Variants in MTOR observed in about 807,000 individuals in gnomAD.
MTOR encodes serine/threonine-protein kinase mTOR.
Under a neutral mutation model 319.8 loss-of-function variants are expected in MTOR, and 70 were observed. The observed-to-expected ratio is 0.22, with a 90% confidence interval of 0.18 to 0.27. MTOR has a LOEUF of 0.27. Ranked by LOEUF, MTOR falls within the 10% of genes least tolerant of loss-of-function variation. The pLI is 1.00. For missense variants in MTOR, 1,890 were observed against 3,274.4 expected, an observed-to-expected ratio of 0.58 and a Z score of 10.32; for synonymous variants, 1,183 against 1,211.4, an observed-to-expected ratio of 0.98 and a Z score of 0.49.
chr1:11,212,665 T>C lies in MTOR; in HGVS notation c.3398+131A>G. 1 of 1,081,650 alleles carries C rather than the reference T, an allele frequency of 9.2e-7. No homozygotes were observed. Among genetic ancestry groups the C allele is most frequent in the South Asian group, 1.5e-5 (1 of 64,916 alleles). The allele number at this position is 1,081,650 out of a possible 1,614,324, so 67.0% of individuals were successfully genotyped here. On this transcript the variant is annotated intron_variant, in intron 22 of 57. Transcript: ENST00000361445. This position sits in a 1 kb window ranked among gnomAD's most constrained non-coding sequence, Gnocchi z 4.1. ...TTAAGATTTCCATAAACCTGGGATA[T>C]TTCTAGACTAAAATAATGTGAGTTG...
At chr1:11,247,269 G>A (rs1648975644) in intron 8 of MTOR, among the ~76,000 whole-genome samples, 1 of 152,214 alleles carries the variant, frequency 6.6e-6, no homozygotes, top group Admixed American at 6.5e-5. Context: ...AGGGACAGAA[G>A]CAGGACGATC....
intron 9 of MTOR, among the ~76,000 whole-genome samples, chr1:11,241,936 A>G (rs1008325149): frequency 2.0e-5 from 3 of 152,214 alleles, no homozygotes; most frequent in African/African-American, 7.2e-5. Context: ...TCACACAGCT[A>G]TACCATATGG....
intron 6 of MTOR, among the ~76,000 whole-genome samples, chr1:11,252,247 A>G (rs566065082): frequency 2.6e-5 from 4 of 151,828 alleles, no homozygotes; most frequent in East Asian, 3.9e-4. Flanking sequence ...AAAAATTTGT[A>G]TTATCTTTAA....
intron 28 of MTOR, chr1:11,194,641 T>G (rs182647808): frequency 6.2e-7 from 1 of 1,614,116 alleles, no homozygotes; most frequent in East Asian, 2.2e-5. Flanking sequence ...CTTGGACAAG[T>G]GTGCACAGCT....
intron 49 of MTOR, among the ~76,000 whole-genome samples, chr1:11,120,151 A>G (rs1028374484): frequency 6.6e-6 from 1 of 151,964 alleles, no homozygotes; most frequent in Admixed American, 6.6e-5. Flanking sequence ...GGTATGGCTC[A>G]CTGCAGCCTC....
intron 19 of MTOR, among the ~76,000 whole-genome samples, chr1:11,221,510 G>A (rs1646661763): frequency 6.6e-6 from 1 of 151,370 alleles, no homozygotes; most frequent in Admixed American, 6.6e-5. Flanking sequence ...CTCACTAAAA[G>A]AAATCAGAGC....
At chr1:11,172,209 C>T (rs1644837150) in intron 28 of MTOR, among the ~76,000 whole-genome samples, 1 of 152,056 alleles carries the variant, frequency 6.6e-6, no homozygotes, top group African/African-American at 2.4e-5. Flanking sequence ...CTTGGGGGTG[C>T]ACCTTGGGAT....
intron 23 of MTOR, among the ~76,000 whole-genome samples, chr1:11,211,815 T>C (rs561111761): frequency 1.3e-5 from 2 of 152,184 alleles, no homozygotes; most frequent in Non-Finnish European, 2.9e-5. Flanking sequence ...CACTTCCCCA[T>C]TGCTTGCTCC....
At chr1:11,134,300 TG>T in intron 37 of MTOR, 50 bp downstream of exon 37, 1 of 1,542,030 alleles carries the variant, frequency 6.5e-7, no homozygotes, top group Middle Eastern at 2.1e-4. Context: ...CAGAAGCTGC[TG>T]GGATGACAGG....
chr1:11,260,105 T>C (rs894103631), intron 1 of MTOR, among the ~76,000 whole-genome samples: 5 of 152,114 alleles, frequency 3.3e-5, no homozygotes, highest in East Asian at 1.9e-4. Flanking sequence ...GCTATTATTA[T>C]TACTACTACT....
intron 29 of MTOR, among the ~76,000 whole-genome samples, chr1:11,157,682 C>T (rs946989428): frequency 1.3e-5 from 2 of 152,272 alleles, no homozygotes; most frequent in East Asian, 1.9e-4. Flanking sequence ...AAGGTGCCAT[C>T]GCTCCGATCT....
chr1:11,233,056 G>T, intron 15 of MTOR: 1 of 1,036,606 alleles, frequency 9.6e-7, no homozygotes, highest in South Asian at 1.2e-5. Context: ...ATGAAAACTG[G>T]TAATAAAACC....
In MTOR at chr1:11,213,041, T is replaced by C. The variant is rs1646359967; in HGVS notation, c.3286-133A>G. 3 of 653,924 alleles carry C rather than the reference T, an allele frequency of 4.6e-6. No homozygotes were observed. In the South Asian group the frequency reaches 6.3e-5, roughly 14 times the overall value. 40.5% of individuals were successfully genotyped at this position (653,924 alleles called of 1,614,324 possible). A position where few individuals can be genotyped will look rare whatever the true frequency, so the allele number is the denominator to read the frequency against. On this transcript the variant is annotated intron_variant, in intron 21 of 57. Coordinates refer to ENST00000361445, the MANE Select transcript of MTOR (RefSeq NM_004958.4). ...AACTCTTTATTAAATGGCCTTGAAC[T>C]ATATCCTTTTGATAGCACTTTCTTC...
chr1:11,141,067 C>T (rs1453156951), intron 34 of MTOR, among the ~76,000 whole-genome samples: 2 of 149,522 alleles, frequency 1.3e-5, no homozygotes, highest in Admixed American at 6.7e-5. Context: ...AGTCTCAGAT[C>T]AAAAAGTATA....
chr1:11,178,882 T>G (rs925277707), intron 28 of MTOR, among the ~76,000 whole-genome samples: 1 of 152,212 alleles, frequency 6.6e-6, no homozygotes, highest in Non-Finnish European at 1.5e-5. Context: ...AAACAAAACT[T>G]AAACAAGCTG....
At chr1:11,233,607 T>A in intron 14 of MTOR, 120 bp from the exon 15 acceptor site, 1 of 732,274 alleles carries the variant, frequency 1.4e-6, no homozygotes, top group South Asian at 1.9e-5. Flanking sequence ...CTTCTAGGCT[T>A]TATGAATCCA....
At chr1:11,170,443 C>A (rs2100622572) in intron 28 of MTOR, among the ~76,000 whole-genome samples, 1 of 152,046 alleles carries the variant, frequency 6.6e-6, no homozygotes, top group East Asian at 1.9e-4. Flanking sequence ...TGGCTGGGCA[C>A]AGTGGTTCAT....
At chr1:11,182,780 G>A (rs559704772) in intron 28 of MTOR, among the ~76,000 whole-genome samples, 3 of 152,294 alleles carry the variant, frequency 2.0e-5, no homozygotes, top group Non-Finnish European at 4.4e-5. Context: ...CATGCACCCA[G>A]GCTGCTGCAC....
At position 11,209,254 on chromosome 1, in the gene MTOR, T is replaced by G. The variant is rs1043881969; in HGVS notation, c.3801+58A>C. 5.4e-5 allele frequency: 87 copies of G among 1,604,566 alleles called. 1 individual carries two copies. The highest frequency in any genetic ancestry group is 5.1e-6 in the Non-Finnish European group (6 of 1,174,014). ...GCCCAGTTTAAACAGTTAAAAGTTT[T>G]GAGTAAGTGAGAAGAGCAGAGCTCT... On this transcript the variant is annotated intron_variant, in intron 25 of 57. Transcript: ENST00000361445.
Sources: allele counts gnomAD v4.1 joint callset (sites outside exome capture counted in the v4.1 genomes callset), GRCh38; gene constraint gnomAD v4.1.1; non-coding constraint Gnocchi (gnomAD v3.1); transcripts MANE v1.5; gene names NCBI Gene and HGNC (gene_info 2026-07-23, HGNC 2026-07-21).